ZHX3: variants seen among roughly 807,000 people sequenced by gnomAD.
ZHX3 encodes the protein zinc fingers and homeoboxes 3.
A neutral mutation model predicts 64.5 loss-of-function variants in ZHX3; 20 were observed. That is an observed-to-expected ratio of 0.31 (90% CI 0.22 to 0.45). The LOEUF is 0.45. Ranked by LOEUF, ZHX3 falls within the 20% of genes least tolerant of loss-of-function variation. The probability of loss-of-function intolerance (pLI) is 1.00; values close to 1 mark genes in which losing one functional copy is unlikely to be tolerated. For missense variants in ZHX3, 1,041 were observed against 1,195.8 expected, an observed-to-expected ratio of 0.87 and a Z score of 1.91; for synonymous variants, 423 against 461.6, an observed-to-expected ratio of 0.92 and a Z score of 1.07.
chr20:41,252,240 G>C (rs2146514330), intron 2 of ZHX3, among the ~76,000 whole-genome samples: 1 of 152,318 alleles, frequency 6.6e-6, no homozygotes, highest in East Asian at 1.9e-4. Flanking sequence ...AGGGAGGAGG[G>C]GCTGGGAGTG....
rs1466737972 is a variant in ZHX3, at chr20:41,212,808, A to C, written c.-150-7742T>G. Reference sequence around the variant, plus strand: ...GCTAAACTGTGTCTCAAAAAAAAAAAACCAAAAACAAAACAAAACAAAAAA... The same window carrying C: ...GCTAAACTGTGTCTCAAAAAAAAAACACCAAAAACAAAACAAAACAAAAAA... On this transcript the variant is annotated intron_variant, in intron 2 of 3. Coordinates refer to ENST00000683867, the MANE Select transcript of ZHX3 (RefSeq NM_001384317.1). This position sits in a 1 kb window ranked among gnomAD's most constrained non-coding sequence, Gnocchi z 4.3. Among the ~76,000 whole-genome samples, 1 of 151,866 alleles carries C rather than the reference A, an allele frequency of 6.6e-6. No homozygotes were observed. The highest frequency in any genetic ancestry group is 1.5e-5 in the Non-Finnish European group (1 of 67,948).
At chr20:41,199,586 T>G (rs755878784) in intron 3 of ZHX3, among the ~76,000 whole-genome samples, 2 of 152,128 alleles carry the variant, frequency 1.3e-5, no homozygotes, top group Admixed American at 1.3e-4. Flanking sequence ...AGGTACTGTC[T>G]CTTTAAATCC....
chr20:41,304,157 GTA>G (rs2044906007), intron 1 of ZHX3, among the ~76,000 whole-genome samples: 1 of 152,050 alleles, frequency 6.6e-6, no homozygotes, highest in African/African-American at 2.4e-5. Flanking sequence ...TTGGTTTCCA[GTA>G]TAGTCTCCTC....
In ZHX3 at chr20:41,212,355, T is replaced by G. The variant is rs566022547; in HGVS notation, c.-150-7289A>C. ...AGATACCACTTCACACCCACCAAGA[T>G]GGCTGTAATTACAGCGACAGATAAC... On this transcript the variant is annotated intron_variant, in intron 2 of 3. Transcript: ENST00000683867. The surrounding 1 kb of genome is among the most constrained non-coding windows in gnomAD (Gnocchi z 4.3). Among the ~76,000 whole-genome samples, 66 of 152,222 alleles carry G rather than the reference T, an allele frequency of 4.3e-4. No individual in the cohort carries two copies. Among genetic ancestry groups the G allele is most frequent in the Non-Finnish European group, 8.8e-4 (60 of 68,010 alleles).
At position 41,180,543 on chromosome 20, in the gene ZHX3, G is replaced by A. The variant is rs966091622; in HGVS notation, c.*4648C>T. ...AAGGACTGCGTCCCCATTCAAAGAG[G>A]TCAGATTTGTGGGCAGGCAAGAGCT... On this transcript the variant is annotated 3_prime_UTR_variant, in exon 4 of 4. Coordinates refer to ENST00000683867, the MANE Select transcript of ZHX3 (RefSeq NM_001384317.1). The A allele has an allele frequency of 2.6e-5, 4 of 152,268 alleles. No individual in the cohort carries two copies. Among genetic ancestry groups the A allele is most frequent in the African/African-American group, 9.7e-5 (4 of 41,438 alleles). 9.4% of individuals were successfully genotyped at this position (152,268 alleles called of 1,614,324 possible).
At chr20:41,272,001 T>C (rs1279081358) in intron 1 of ZHX3, 5 of 152,162 alleles carry the variant, frequency 3.3e-5, no homozygotes, top group South Asian at 2.1e-4. Flanking sequence ...TAAATTTTCA[T>C]AAAACCAAAA....
At chr20:41,229,357 T>C (rs2040457714) in intron 2 of ZHX3, among the ~76,000 whole-genome samples, 1 of 152,210 alleles carries the variant, frequency 6.6e-6, no homozygotes, top group Non-Finnish European at 1.5e-5. Flanking sequence ...ATAATGTTGC[T>C]ATGAACATGG....
At chr20:41,268,777 T>A (rs1042957083) in intron 2 of ZHX3, among the ~76,000 whole-genome samples, 1 of 152,202 alleles carries the variant, frequency 6.6e-6, no homozygotes, top group Non-Finnish European at 1.5e-5. Context: ...AAGTTGTAGA[T>A]TCAATGCAGA....
intron 2 of ZHX3, among the ~76,000 whole-genome samples, chr20:41,222,022 T>C (rs1373677730): frequency 1.3e-5 from 2 of 152,226 alleles, no homozygotes; most frequent in African/African-American, 2.4e-5. Flanking sequence ...AGCAGAAGGT[T>C]GGCGTCATCC....
At chr20:41,190,118 T>C (rs2036883583) in intron 3 of ZHX3, among the ~76,000 whole-genome samples, 1 of 152,212 alleles carries the variant, frequency 6.6e-6, no homozygotes, top group African/African-American at 2.4e-5. Context: ...TTGCATTAAC[T>C]GAATGGTGTA....
At position 41,201,025 on chromosome 20, in the gene ZHX3, C is replaced by G. The variant is rs1001783448; in HGVS notation, c.2860+1032G>C. ...ACAATGGTTGGCTATTGTATGGAAACAATGCAACACCATCCAGGAAATTCT... is the reference window on the plus strand; with the variant it reads ...ACAATGGTTGGCTATTGTATGGAAAGAATGCAACACCATCCAGGAAATTCT... On this transcript the variant is annotated intron_variant, in intron 3 of 3. Transcript: ENST00000683867. The surrounding 1 kb of genome is among the most constrained non-coding windows in gnomAD (Gnocchi z 5.0). Among the ~76,000 whole-genome samples the G allele has an allele frequency of 6.6e-6, 1 of 152,172 alleles. No individual in the cohort carries two copies. The highest frequency in any genetic ancestry group is 2.4e-5 in the African/African-American group (1 of 41,442).
intron 1 of ZHX3, among the ~76,000 whole-genome samples, chr20:41,289,294 C>G (rs1193653814): frequency 1.3e-5 from 2 of 152,270 alleles, no homozygotes; most frequent in East Asian, 1.9e-4. Context: ...AGCCACAGCA[C>G]TCAGCACAAA....
chr20:41,221,897 A>C (rs2039967702), intron 2 of ZHX3, among the ~76,000 whole-genome samples: 1 of 152,224 alleles, frequency 6.6e-6, no homozygotes, highest in Non-Finnish European at 1.5e-5. Context: ...GTAGAGAGAC[A>C]GTAGTATGAG....
intron 1 of ZHX3, among the ~76,000 whole-genome samples, chr20:41,291,155 C>T (rs1163092133): frequency 6.6e-6 from 1 of 152,294 alleles, no homozygotes; most frequent in East Asian, 1.9e-4. Context: ...TTTTTCCCCA[C>T]ACGGAGCTGA....
chr20:41,249,205 T>C (rs1300483442), intron 2 of ZHX3, among the ~76,000 whole-genome samples: 4 of 152,074 alleles, frequency 2.6e-5, no homozygotes, highest in Non-Finnish European at 4.4e-5. Context: ...AACTTGGTCA[T>C]TGTTTTGCAG....
At chr20:41,277,029 A>G (rs1485775768) in intron 1 of ZHX3, among the ~76,000 whole-genome samples, 2 of 152,258 alleles carry the variant, frequency 1.3e-5, no homozygotes, top group African/African-American at 2.4e-5. Context: ...AAAAGACAAA[A>G]TTTCTGGTGG....
chr20:41,221,568 G>A (rs1200326106), intron 2 of ZHX3, among the ~76,000 whole-genome samples: 1 of 152,214 alleles, frequency 6.6e-6, no homozygotes, highest in Non-Finnish European at 1.5e-5. Context: ...TAGTTTGGGG[G>A]AGAGAGATAA....
At chr20:41,248,912 A>G (rs970164560) in intron 2 of ZHX3, among the ~76,000 whole-genome samples, 2 of 152,234 alleles carry the variant, frequency 1.3e-5, no homozygotes, top group Non-Finnish European at 2.9e-5. Context: ...ATAGCCAAGT[A>G]ACAAAAGGTC....
chr20:41,218,743 A>G (rs2039724756), intron 2 of ZHX3, among the ~76,000 whole-genome samples: 1 of 152,156 alleles, frequency 6.6e-6, no homozygotes. Context: ...TGAAAACAAA[A>G]AAGTTACAAA....
Sources: allele counts gnomAD v4.1 joint callset (sites outside exome capture counted in the v4.1 genomes callset), GRCh38; gene constraint gnomAD v4.1.1; non-coding constraint Gnocchi (gnomAD v3.1); transcripts MANE v1.5; gene names NCBI Gene and HGNC (gene_info 2026-07-23, HGNC 2026-07-21).